The following NBEA variants were observed in gnomAD, a reference collection of about 807,000 sequenced individuals.
The protein encoded by NBEA is lysosomal-trafficking regulator 2.
In NBEA, 44 loss-of-function variants were observed where a neutral mutation model predicts 343.4. The ratio of observed to expected loss-of-function variants is 0.13; its 90% confidence interval spans 0.10 to 0.16. The LOEUF (loss-of-function observed/expected upper bound fraction) is 0.16. Ranked by LOEUF, NBEA falls within the 10% of genes least tolerant of loss-of-function variation. NBEA has a pLI of 1.00. For synonymous variants in NBEA, 1,175 were observed against 1,238.7 expected (o/e 0.95, Z 1.08); for missense variants, 2,555 against 3,631.3 (o/e 0.70, Z 7.62).
intron 1 of NBEA, among the ~76,000 whole-genome samples, chr13:35,024,484 C>A (rs1244861504): frequency 6.6e-6 from 1 of 151,714 alleles, no homozygotes; most frequent in Admixed American, 6.6e-5. Context: ...CCAGCCAGAC[C>A]AACCTGGCGA....
At chr13:35,472,737 A>G (rs1337905318) in intron 41 of NBEA, among the ~76,000 whole-genome samples, 1 of 152,228 alleles carries the variant, frequency 6.6e-6, no homozygotes, top group Non-Finnish European at 1.5e-5. Flanking sequence ...TTACCAGAGC[A>G]TGCACATTTT....
chr13:35,411,219 T>C (rs1198617896), intron 38 of NBEA, among the ~76,000 whole-genome samples: 2 of 152,192 alleles, frequency 1.3e-5, no homozygotes, highest in Non-Finnish European at 1.5e-5. Context: ...AAAGCTCTGC[T>C]CTCATATGCA....
At position 35,194,121 on chromosome 13, in the gene NBEA, G is replaced by A. The variant is rs74048940; in HGVS notation, c.4928-1743G>A. Among the ~76,000 whole-genome samples the A allele has an allele frequency of 6.9e-3, 1,050 of 151,958 alleles. 21 individuals are homozygous for A. The highest frequency in any genetic ancestry group is 0.024 in the African/African-American group (991 of 41,496). On this transcript the variant is annotated intron_variant, in intron 30 of 58. Transcript: ENST00000379939. ...ATTCACACCCTCAGGAAATCTGAAT[G>A]GTATGCCATTAGTTTAAATTCAAGC...
rs12860444 is a variant in NBEA, at chr13:35,358,169, G to C, written c.6179+5846G>C. On this transcript the variant is annotated intron_variant, in intron 38 of 58. Coordinates refer to ENST00000379939, the MANE Select transcript of NBEA (RefSeq NM_001385012.1). ...CCTGAGTAGCTGGGATTACAGGCAC[G>C]CACCACCACACCCAGCTAATTTTTT... Among the ~76,000 whole-genome samples, 1,366 of 151,682 alleles carry C rather than the reference G, an allele frequency of 9.0e-3. 9 individuals are homozygous for C. The highest frequency in any genetic ancestry group is 0.023 in the South Asian group (108 of 4,794).
chr13:35,182,551 T>C (rs2071387430), intron 29 of NBEA, 23 bp downstream of exon 29: 1 of 1,583,198 alleles, frequency 6.3e-7, no homozygotes. Context: ...GTATAATTAT[T>C]TGAATTTTCA....
intron 38 of NBEA, among the ~76,000 whole-genome samples, chr13:35,353,475 G>C (rs1363445602): frequency 6.6e-5 from 10 of 151,990 alleles, no homozygotes; most frequent in Non-Finnish European, 7.4e-5. Context: ...CCTAGAATAT[G>C]AGTAGGATGG....
chr13:34,974,773 A>C (rs1361055628), intron 1 of NBEA, among the ~76,000 whole-genome samples: 1 of 152,202 alleles, frequency 6.6e-6, no homozygotes, highest in Non-Finnish European at 1.5e-5. Context: ...ATTTTTAAAC[A>C]CAAATGGCAA....
intron 46 of NBEA, among the ~76,000 whole-genome samples, chr13:35,589,704 G>A (rs867633386): frequency 4.6e-5 from 7 of 152,110 alleles, no homozygotes; most frequent in African/African-American, 1.2e-4. Context: ...GCCCACGATG[G>A]AATTAGTTGA....
chr13:35,577,559 C>T (rs548945943), intron 45 of NBEA, among the ~76,000 whole-genome samples: 11 of 152,082 alleles, frequency 7.2e-5, no homozygotes, highest in South Asian at 2.1e-4. Flanking sequence ...AGGAAACTAG[C>T]TCTTATGTGC....
chr13:35,465,919 A>G (rs185261313), intron 40 of NBEA, among the ~76,000 whole-genome samples: 3 of 152,228 alleles, frequency 2.0e-5, no homozygotes, highest in East Asian at 1.9e-4. Flanking sequence ...GTTAGAGCAT[A>G]TAAGAGTCTT....
chr13:35,416,041 T>A (rs577976608), intron 38 of NBEA, among the ~76,000 whole-genome samples: 24 of 152,172 alleles, frequency 1.6e-4, no homozygotes, highest in Non-Finnish European at 2.9e-4. Flanking sequence ...TGTTTGTTTG[T>A]TATTGGTGTA....
chr13:35,109,361 A>G lies in NBEA; in HGVS notation c.1752A>G (p.Leu584=), dbSNP rs2066071692. Residue 584 remains leucine (L), a synonymous_variant, in exon 12 of 59, where the codon TTA becomes TTG. Coordinates refer to ENST00000379939, the MANE Select transcript of NBEA (RefSeq NM_001385012.1). ...CTTTTGCAAAATACCTTGATGGTTT[A>G]TCTCATGGAGCACCTTTGCTGAAGC... is the stretch of plus-strand genomic sequence containing the variant. ...FLSFAKYLDG[L]SHGAPLLKQL... The G allele has an allele frequency of 1.2e-6, 2 of 1,612,556 alleles. No homozygotes were observed. Among genetic ancestry groups the G allele is most frequent in the Non-Finnish European group, 1.7e-6 (2 of 1,179,188 alleles).
At chr13:35,466,063 G>A (rs1186426948) in intron 40 of NBEA, among the ~76,000 whole-genome samples, 1 of 151,948 alleles carries the variant, frequency 6.6e-6, no homozygotes, top group African/African-American at 2.4e-5. Context: ...CATATAAGAG[G>A]GCTCCATTCC....
intron 23 of NBEA, among the ~76,000 whole-genome samples, chr13:35,162,572 T>C (rs552148018): frequency 9.2e-5 from 14 of 151,986 alleles, no homozygotes; most frequent in African/African-American, 3.1e-4. Flanking sequence ...TGCCTCCTCT[T>C]CTTCTCTCTC....
chr13:35,184,169 A>G (rs2071521473), intron 30 of NBEA, 98 bp downstream of exon 30: 1 of 825,854 alleles, frequency 1.2e-6, no homozygotes, highest in Middle Eastern at 2.4e-4. Context: ...AAATAAGTAT[A>G]TACCTCAGGT....
chr13:35,579,832 G>T (rs9574161), intron 45 of NBEA, among the ~76,000 whole-genome samples: 24,808 of 152,046 alleles, frequency 0.16, 2,427 homozygotes, highest in East Asian at 0.28. Context: ...TTGTGGCACT[G>T]AAGTTTGAGA....
At chr13:35,052,514 C>CT (rs2063100569) in intron 6 of NBEA, among the ~76,000 whole-genome samples, 1 of 151,666 alleles carries the variant, frequency 6.6e-6, no homozygotes, top group African/African-American at 2.4e-5. Context: ...TTCCTTATTA[C>CT]TGGTTGTGTC....
chr13:34,973,342 G>A (rs1233130537), intron 1 of NBEA, among the ~76,000 whole-genome samples: 1 of 151,958 alleles, frequency 6.6e-6, no homozygotes, highest in Non-Finnish European at 1.5e-5. Context: ...CTGTGCTGGG[G>A]TACCACTTCT....
intron 49 of NBEA, among the ~76,000 whole-genome samples, chr13:35,634,588 T>C (rs2083615229): frequency 6.6e-6 from 1 of 152,186 alleles, no homozygotes; most frequent in Non-Finnish European, 1.5e-5. Context: ...AATGGCTTCT[T>C]TTTAACGGTG....
Sources: allele counts gnomAD v4.1 joint callset (sites outside exome capture counted in the v4.1 genomes callset), GRCh38; gene constraint gnomAD v4.1.1; transcripts MANE v1.5; gene names NCBI Gene and HGNC (gene_info 2026-07-23, HGNC 2026-07-21).